TOM1L2: variants seen among roughly 807,000 people sequenced by gnomAD.
TOM1L2 encodes the protein target of myb1 like 2 membrane trafficking protein.
Under a neutral mutation model 67.9 loss-of-function variants are expected in TOM1L2, and 31 were observed. The observed-to-expected ratio is 0.46, with a 90% CI of 0.34 to 0.62. The LOEUF is 0.62. TOM1L2 is among the 20% of genes least tolerant of loss of function. The pLI is 0.01. For synonymous variants in TOM1L2, 256 were observed against 254.0 expected (o/e 1.01, Z -0.07); for missense variants, 606 against 663.5 (o/e 0.91, Z 0.95).
chr17:17,856,906 C>A (rs2036280477), intron 12 of TOM1L2, among the ~76,000 whole-genome samples: 1 of 152,236 alleles, frequency 6.6e-6, no homozygotes, highest in South Asian at 2.1e-4. Flanking sequence ...GTGTTTACAA[C>A]ATTGAACTCC....
At chr17:17,898,534 G>A (rs2038688734) in intron 3 of TOM1L2, 62 bp downstream of exon 3, 2 of 1,565,624 alleles carry the variant, frequency 1.3e-6, no homozygotes, top group Non-Finnish European at 1.8e-6. Flanking sequence ...CTGTGAGGGG[G>A]GCAAGGCCAG....
At chr17:17,857,774 C>T in intron 12 of TOM1L2, 1 of 1,535,642 alleles carries the variant, frequency 6.5e-7, no homozygotes, top group South Asian at 1.2e-5. Flanking sequence ...CTCACCATTC[C>T]TTGGGTTATA....
chr17:17,952,610 G>C (rs1010805745), intron 1 of TOM1L2, among the ~76,000 whole-genome samples: 2 of 151,760 alleles, frequency 1.3e-5, no homozygotes, highest in Non-Finnish European at 1.5e-5. Flanking sequence ...GCCTAGGCTG[G>C]TCTCAAACTC....
intron 12 of TOM1L2, 24 bp downstream of exon 12, chr17:17,861,452 A>G (rs1264459536): frequency 1.9e-6 from 3 of 1,610,508 alleles, no homozygotes; most frequent in East Asian, 4.5e-5. Context: ...GACTCCAGGC[A>G]GAAAAACAGG....
At chr17:17,952,809 G>C (rs946659502) in intron 1 of TOM1L2, among the ~76,000 whole-genome samples, 2 of 152,190 alleles carry the variant, frequency 1.3e-5, no homozygotes, top group East Asian at 1.9e-4. Flanking sequence ...AGAGAAGGCA[G>C]CCTCTGGGGT....
At chr17:17,947,820 TACA>T (rs754532596) in intron 1 of TOM1L2, among the ~76,000 whole-genome samples, 20 of 152,218 alleles carry the variant, frequency 1.3e-4, no homozygotes, top group Non-Finnish European at 2.2e-4. Flanking sequence ...TTCCAGAAAG[TACA>T]ACAAGTTGTA....
chr17:17,873,603 G>C (rs1213770988), intron 7 of TOM1L2, among the ~76,000 whole-genome samples: 1 of 152,200 alleles, frequency 6.6e-6, no homozygotes, highest in African/African-American at 2.4e-5. Flanking sequence ...AATACTCCCA[G>C]CACCGGCGGC....
intron 1 of TOM1L2, among the ~76,000 whole-genome samples, chr17:17,969,127 G>A (rs1210837925): frequency 1.3e-5 from 2 of 151,190 alleles, no homozygotes; most frequent in Middle Eastern, 3.2e-3. Flanking sequence ...CACAATCTTG[G>A]CTCACTGCAA....
At chr17:17,905,032 C>G (rs2039027948) in intron 2 of TOM1L2, among the ~76,000 whole-genome samples, 1 of 152,074 alleles carries the variant, frequency 6.6e-6, no homozygotes, top group Non-Finnish European at 1.5e-5. Flanking sequence ...GGCCAGATGA[C>G]TGGACAAACA....
intron 4 of TOM1L2, among the ~76,000 whole-genome samples, chr17:17,885,172 T>G (rs1392280907): frequency 6.6e-6 from 1 of 152,214 alleles, no homozygotes; most frequent in African/African-American, 2.4e-5. Context: ...CTGCCCTCTG[T>G]GCGGGAGCAC....
chr17:17,922,497 G>A (rs1022397247), intron 1 of TOM1L2, among the ~76,000 whole-genome samples: 1 of 152,152 alleles, frequency 6.6e-6, no homozygotes, highest in Non-Finnish European at 1.5e-5. Flanking sequence ...CAGGAAGCAG[G>A]GGGCAGGTTA....
At chr17:17,881,329 T>C (rs1403511032) in intron 6 of TOM1L2, among the ~76,000 whole-genome samples, 1 of 152,140 alleles carries the variant, frequency 6.6e-6, no homozygotes, top group African/African-American at 2.4e-5. Flanking sequence ...GGTGCTGACC[T>C]GCCTACCTCT....
At chr17:17,853,896 G>A (rs1354062238) in intron 12 of TOM1L2, among the ~76,000 whole-genome samples, 1 of 152,246 alleles carries the variant, frequency 6.6e-6, no homozygotes, top group Admixed American at 6.5e-5. Flanking sequence ...GCGATTGCTA[G>A]ATTGTATTTG....
intron 1 of TOM1L2, among the ~76,000 whole-genome samples, chr17:17,971,728 C>A (rs959950145): frequency 6.6e-6 from 1 of 152,248 alleles, no homozygotes; most frequent in Non-Finnish European, 1.5e-5. Context: ...ATTGGGGAAG[C>A]AGACCAGCAG....
At chr17:17,941,598 C>G (rs2040737178) in intron 1 of TOM1L2, among the ~76,000 whole-genome samples, 1 of 152,120 alleles carries the variant, frequency 6.6e-6, no homozygotes, top group African/African-American at 2.4e-5. Flanking sequence ...CTGTGGGTCC[C>G]TCACCTGCCC....
chr17:17,851,780 GA>G (rs2035992790), intron 12 of TOM1L2, among the ~76,000 whole-genome samples: 2 of 152,180 alleles, frequency 1.3e-5, no homozygotes, highest in Admixed American at 1.3e-4. Flanking sequence ...AAGTTCAGCT[GA>G]GCACTGGGGC....
intron 1 of TOM1L2, among the ~76,000 whole-genome samples, chr17:17,939,333 C>T (rs1054911913): frequency 1.3e-5 from 2 of 152,226 alleles, no homozygotes; most frequent in African/African-American, 4.8e-5. Context: ...CCACAGTCAC[C>T]TCACTGTACT....
At chr17:17,954,740 G>T (rs1340055374) in intron 1 of TOM1L2, among the ~76,000 whole-genome samples, 1 of 152,194 alleles carries the variant, frequency 6.6e-6, no homozygotes, top group African/African-American at 2.4e-5. Flanking sequence ...CAGCTAGGTG[G>T]TATTGAACTG....
chr17:17,955,100 T>TA (rs1280174848), intron 1 of TOM1L2, among the ~76,000 whole-genome samples: 1 of 152,144 alleles, frequency 6.6e-6, no homozygotes, highest in Non-Finnish European at 1.5e-5. Context: ...GTGTCATAGT[T>TA]AGTCTCTCAT....
Sources: gnomAD v4.1 joint callset for allele counts (sites outside exome capture counted in the v4.1 genomes callset) on GRCh38, gnomAD v4.1.1 for gene constraint, MANE v1.5 for transcripts, NCBI Gene and HGNC (gene_info 2026-07-23, HGNC 2026-07-21) for gene names.